Variants in FER1L6 observed in about 807,000 individuals in gnomAD.
FER1L6 encodes fer-1 like family member 6, also known as fer-1-like protein 6.
In FER1L6, 177 loss-of-function variants were observed where a neutral mutation model predicts 219.2. The observed-to-expected ratio is 0.81, with a 90% CI of 0.71 to 0.91. The LOEUF is 0.91. Ranked by LOEUF, FER1L6 falls within the 40% of genes least tolerant of loss-of-function variation. FER1L6 has a pLI of 0.00. For synonymous variants in FER1L6, 768 were observed against 824.3 expected, an observed-to-expected ratio of 0.93 and a Z score of 1.17; for missense variants, 2,153 against 2,259.9, an observed-to-expected ratio of 0.95 and a Z score of 0.96.
intron 1 of FER1L6, among the ~76,000 whole-genome samples, chr8:123,946,748 C>T (rs1205066428): frequency 6.6e-6 from 1 of 152,124 alleles, no homozygotes; most frequent in Non-Finnish European, 1.5e-5. Flanking sequence ...ACCCTTGTTG[C>T]AGACACCTGG....
At chr8:124,029,700 C>A (rs1818873992) in intron 18 of FER1L6, among the ~76,000 whole-genome samples, 1 of 151,618 alleles carries the variant, frequency 6.6e-6, no homozygotes, top group South Asian at 2.1e-4. Flanking sequence ...AAAATTTTAT[C>A]CCATTCTGTA....
intron 18 of FER1L6, among the ~76,000 whole-genome samples, chr8:124,024,434 A>T (rs1818617060): frequency 7.1e-6 from 1 of 139,902 alleles, no homozygotes; most frequent in South Asian, 2.2e-4. Flanking sequence ...GTTCCTGCTT[A>T]TAAGTGAGAA....
chr8:123,878,500 G>T (rs907302814), intron 1 of FER1L6, among the ~76,000 whole-genome samples: 4 of 152,152 alleles, frequency 2.6e-5, no homozygotes, highest in Admixed American at 1.3e-4. Flanking sequence ...TCTGACTTTT[G>T]TCGCTTCTAC....
At chr8:124,093,357 G>A (rs981259319) in intron 34 of FER1L6, among the ~76,000 whole-genome samples, 3 of 151,404 alleles carry the variant, frequency 2.0e-5, no homozygotes, top group African/African-American at 7.3e-5. Context: ...CCTATGTATG[G>A]TTCAGTACTT....
chr8:124,061,891 A>G lies in FER1L6; in HGVS notation c.3187A>G (p.Ile1063Val), dbSNP rs776564467. 2.2e-5 allele frequency: 36 copies of G among 1,614,112 alleles called. No individual in the cohort carries two copies. The highest frequency in any genetic ancestry group is 3.1e-5 in the Non-Finnish European group (36 of 1,180,012). ...ENELLHPPLS[I>V]CVVDWRAFGR... The stretch of plus-strand genomic sequence containing the variant: ...CGAGCTTCTGCACCCGCCACTGAGC[A>G]TCTGCGTGGTGGACTGGAGAGCTTT... Residue 1063 changes from isoleucine to valine, a missense_variant, in exon 25 of 41, where the codon ATC becomes GTC. Ile to Val is a conservative substitution (Grantham distance 29). Coordinates refer to ENST00000522917, the MANE Select transcript of FER1L6 (RefSeq NM_001039112.2).
At chr8:124,042,121 G>A (rs890580574) in intron 20 of FER1L6, among the ~76,000 whole-genome samples, 4 of 152,294 alleles carry the variant, frequency 2.6e-5, no homozygotes, top group Admixed American at 2.6e-4. Context: ...CAGGGCCTTA[G>A]TGAAGTACAG....
At chr8:124,034,124 A>T (rs985235801) in intron 18 of FER1L6, among the ~76,000 whole-genome samples, 1 of 150,682 alleles carries the variant, frequency 6.6e-6, no homozygotes, top group African/African-American at 2.5e-5. Flanking sequence ...GGATTTTGTG[A>T]CTCTCAATGG....
intron 1 of FER1L6, among the ~76,000 whole-genome samples, chr8:123,938,933 A>G (rs1814113854): frequency 6.6e-6 from 1 of 152,234 alleles, no homozygotes; most frequent in Non-Finnish European, 1.5e-5. Context: ...TTAATATAAT[A>G]GATAATTACT....
chr8:124,045,277 CA>C (rs1242902172), intron 20 of FER1L6, among the ~76,000 whole-genome samples: 1 of 152,180 alleles, frequency 6.6e-6, no homozygotes, highest in Non-Finnish European at 1.5e-5. Flanking sequence ...GCTTTGCTGC[CA>C]GATGGTCCAG....
intron 33 of FER1L6, among the ~76,000 whole-genome samples, chr8:124,085,392 A>C (rs1011285482): frequency 7.4e-6 from 1 of 135,022 alleles, no homozygotes; most frequent in African/African-American, 2.7e-5. Context: ...TACTACTTTC[A>C]TTGTGTCCCA....
At chr8:123,877,069 A>G (rs1817016663) in intron 1 of FER1L6, among the ~76,000 whole-genome samples, 1 of 152,224 alleles carries the variant, frequency 6.6e-6, no homozygotes, top group South Asian at 2.1e-4. Flanking sequence ...CTGGTCTGCA[A>G]CTTCTGTAGG....
chr8:123,928,102 T>G (rs538038103), intron 1 of FER1L6, among the ~76,000 whole-genome samples: 3 of 152,346 alleles, frequency 2.0e-5, no homozygotes, highest in Admixed American at 2.0e-4. Flanking sequence ...TTCTCATATT[T>G]TCCTTACGAA....
At chr8:123,968,703 A>C (rs1178278172) in intron 5 of FER1L6, among the ~76,000 whole-genome samples, 1 of 152,212 alleles carries the variant, frequency 6.6e-6, no homozygotes, top group Admixed American at 6.5e-5. Flanking sequence ...TTGTCTTCTT[A>C]AACAGAAGAC....
chr8:123,988,412 G>T (rs1816696359), intron 12 of FER1L6, among the ~76,000 whole-genome samples: 1 of 152,176 alleles, frequency 6.6e-6, no homozygotes, highest in Admixed American at 6.5e-5. Flanking sequence ...GATTGCTTTG[G>T]GTAGTGTGGA....
At chr8:124,036,395 C>A (rs1340836614) in intron 19 of FER1L6, 5 of 152,168 alleles carry the variant, frequency 3.3e-5, no homozygotes, top group Non-Finnish European at 7.3e-5. Flanking sequence ...ATGCATAATA[C>A]CACATGCCAA....
intron 7 of FER1L6, among the ~76,000 whole-genome samples, 180 bp downstream of exon 7, chr8:123,973,692 T>C (rs969958603): frequency 1.3e-4 from 20 of 152,216 alleles, no homozygotes; most frequent in African/African-American, 3.6e-4. Context: ...AATGATAAAA[T>C]TATTTTATAT....
chr8:124,095,118 G>T, intron 35 of FER1L6, 80 bp downstream of exon 35: 3 of 1,561,048 alleles, frequency 1.9e-6, no homozygotes, highest in South Asian at 2.4e-5. Context: ...GAACAATTTT[G>T]ACCTTCCCTC....
chr8:123,977,565 T>A lies in FER1L6; in HGVS notation c.1019T>A (p.Phe340Tyr). Residue 340 changes from phenylalanine (F) to tyrosine (Y), a missense_variant, in exon 10 of 41, where the codon TTC becomes TAC. Physicochemically the swap from Phe to Tyr is conservative, Grantham distance 22. Transcript: ENST00000522917. ...AATGACGTAGCCCTGGCAACCCATT[T>A]CATTGACCTGAAGAAAATCTCCAAC... Reference protein sequence around the residue: ...SMNDVALATHFIDLKKISNEQ... With the variant: ...SMNDVALATHYIDLKKISNEQ... 1 of 1,614,128 alleles carries A rather than the reference T, an allele frequency of 6.2e-7. No individual in the cohort carries two copies. Among genetic ancestry groups the A allele is most frequent in the Non-Finnish European group, 8.5e-7 (1 of 1,180,002 alleles).
intron 1 of FER1L6, among the ~76,000 whole-genome samples, chr8:123,910,717 A>T (rs1303322566): frequency 6.6e-5 from 10 of 152,134 alleles, no homozygotes; most frequent in Non-Finnish European, 5.9e-5. Context: ...GGAAAAACTG[A>T]TTAAGTTAGA....
Sources: gnomAD v4.1 joint callset for allele counts (sites outside exome capture counted in the v4.1 genomes callset) on GRCh38, gnomAD v4.1.1 for gene constraint, MANE v1.5 for transcripts, NCBI Gene and HGNC (gene_info 2026-07-23, HGNC 2026-07-21) for gene names.